The following TTC39A variants were observed in gnomAD, a reference collection of about 807,000 sequenced individuals.
The protein encoded by TTC39A is tetratricopeptide repeat protein 39A.
TTC39A carries 46 observed loss-of-function variants against 82.3 expected under a neutral mutation model. The ratio of observed to expected loss-of-function variants is 0.56; its 90% CI spans 0.44 to 0.71. The LOEUF (loss-of-function observed/expected upper bound fraction) is 0.71, where lower values mean the gene tolerates loss of function less well. Among genes scored for constraint, TTC39A ranks in the 30% least tolerant of loss-of-function variants. The probability of loss-of-function intolerance (pLI) is 0.00; values close to 1 mark genes in which losing one functional copy is unlikely to be tolerated. For missense variants in TTC39A, 543 were observed against 712.9 expected, an observed-to-expected ratio of 0.76 and a Z score of 2.71; for synonymous variants, 254 against 275.2, an observed-to-expected ratio of 0.92 and a Z score of 0.76.
intron 1 of TTC39A, chr1:51,343,023 G>A (rs1045638254): frequency 8.8e-6 from 4 of 456,038 alleles, no homozygotes; most frequent in Non-Finnish European, 1.8e-5. Flanking sequence ...GACCCCGAAG[G>A]CTCCCTGGTG....
chr1:51,312,485 G>C (rs981935661), intron 3 of TTC39A, among the ~76,000 whole-genome samples: 2 of 152,152 alleles, frequency 1.3e-5, no homozygotes, highest in African/African-American at 4.8e-5. Context: ...AGGTGATGCT[G>C]CTCCTGGCAG....
intron 14 of TTC39A, among the ~76,000 whole-genome samples, chr1:51,293,431 A>G (rs1455357487): frequency 6.6e-6 from 1 of 152,236 alleles, no homozygotes; most frequent in African/African-American, 2.4e-5. Flanking sequence ...TAAGTGCTAA[A>G]TCAAACTATA....
At chr1:51,336,461 C>T (rs1449563135) in intron 1 of TTC39A, among the ~76,000 whole-genome samples, 1 of 152,134 alleles carries the variant, frequency 6.6e-6, no homozygotes, top group African/African-American at 2.4e-5. Context: ...CTGGGCTCTT[C>T]TACCTAAGTC....
At chr1:51,301,339 G>A in intron 12 of TTC39A, 1 of 502,542 alleles carries the variant, frequency 2.0e-6, no homozygotes. Context: ...CTACTGGACA[G>A]AGGGAGCCAT....
rs1356085040 is a variant in TTC39A, at chr1:51,312,953, A to G, written c.147-10T>C. On this transcript the variant is annotated splice_polypyrimidine_tract_variant and intron_variant, in intron 2 of 17. Transcript: ENST00000680483. ...CATGCTTTCCTTGGTTCTGCCAAAG[A>G]GAAGAGACGTTGAGAGCACCACCTT... is the stretch of plus-strand genomic sequence containing the variant. The G allele has an allele frequency of 6.2e-7, 1 of 1,612,792 alleles. No individual in the cohort carries two copies. The highest frequency in any genetic ancestry group is 8.5e-7 in the Non-Finnish European group (1 of 1,179,086).
At chr1:51,322,193 C>T (rs1645555317) in intron 1 of TTC39A, 1 of 1,533,522 alleles carries the variant, frequency 6.5e-7, no homozygotes, top group Admixed American at 2.1e-5. Context: ...GGGGTGCAGC[C>T]CAGCCACTAA....
intron 1 of TTC39A, among the ~76,000 whole-genome samples, chr1:51,326,708 T>C (rs1207221106): frequency 6.6e-6 from 1 of 152,122 alleles, no homozygotes; most frequent in East Asian, 1.9e-4. Flanking sequence ...AAAAATGCAT[T>C]CTGTGGAAGC....
chr1:51,313,384 C>A (rs55763623), intron 2 of TTC39A, among the ~76,000 whole-genome samples: 7 of 152,102 alleles, frequency 4.6e-5, no homozygotes, highest in African/African-American at 1.7e-4. Flanking sequence ...CCTGGGCCGC[C>A]CTCAACCTCA....
rs1017567044 is a variant in TTC39A at position 51,330,389 on chromosome 1, C to T, written c.41+48G>A. 6.2e-6 allele frequency: 6 copies of T among 970,420 alleles called. No individual in the cohort carries two copies. The highest frequency in any genetic ancestry group is 5.2e-4 in the Middle Eastern group (1 of 1,906). The allele number at this position is 970,420 out of a possible 1,614,324, so 60.1% of individuals were successfully genotyped here. On this transcript the variant is annotated intron_variant, in intron 1 of 17. Transcript: ENST00000680483. This position sits in a 1 kb window ranked among gnomAD's most constrained non-coding sequence, Gnocchi z 4.5. ...CGCGGCGCCCGCCACCTGCCCGGGC[C>T]CCAGCCCGCGCCGCCCGCGCCCCCG... is the stretch of plus-strand genomic sequence containing the variant.
intron 9 of TTC39A, 138 bp downstream of exon 9, chr1:51,302,946 C>A: frequency 1.3e-6 from 1 of 762,984 alleles, no homozygotes; most frequent in Non-Finnish European, 2.2e-6. Context: ...GTCCCCAGGA[C>A]AGTGGATGTG....
chr1:51,311,204 A>T, intron 5 of TTC39A, 50 bp downstream of exon 5: 1 of 1,530,004 alleles, frequency 6.5e-7, no homozygotes. Flanking sequence ...TTGGACGTGG[A>T]AACTGATCTT....
chr1:51,333,499 G>C (rs1462941460), upstream of TTC39A, among the ~76,000 whole-genome samples: 1 of 152,260 alleles, frequency 6.6e-6, no homozygotes. Context: ...AGCTGTATTA[G>C]CTCCAGAGTA....
At chr1:51,304,161 G>A (rs1258362168) in intron 8 of TTC39A, among the ~76,000 whole-genome samples, 1 of 152,244 alleles carries the variant, frequency 6.6e-6, no homozygotes, top group East Asian at 1.9e-4. Flanking sequence ...GGGCTACACA[G>A]TCTAGCTGGG....
chr1:51,303,421 G>C (rs1234917973), intron 8 of TTC39A, among the ~76,000 whole-genome samples: 1 of 152,244 alleles, frequency 6.6e-6, no homozygotes, highest in Admixed American at 6.5e-5. Flanking sequence ...TGGCGGGTCT[G>C]AGGTGTCCCC....
At chr1:51,331,446 G>T (rs375988272), upstream of TTC39A, 7 of 1,410,136 alleles carry the variant, frequency 5.0e-6, no homozygotes, top group East Asian at 1.8e-4. Flanking sequence ...TGCCATTAGA[G>T]CTGTCCCTTC....
intron 12 of TTC39A, 23 bp from the exon 13 acceptor site, chr1:51,296,193 C>A: frequency 6.4e-7 from 1 of 1,566,344 alleles, no homozygotes; most frequent in East Asian, 2.4e-5. Flanking sequence ...GAGCAACAGC[C>A]AGGTGTGAGC....
chr1:51,296,587 G>A (rs1452137681), intron 12 of TTC39A, among the ~76,000 whole-genome samples: 1 of 152,256 alleles, frequency 6.6e-6, no homozygotes, highest in African/African-American at 2.4e-5. Flanking sequence ...GGAGGTGGCA[G>A]GATGTGTGTG....
chr1:51,302,576 G>A lies in TTC39A; in HGVS notation c.764-3C>T. 2 of 1,598,496 alleles carry A rather than the reference G, an allele frequency of 1.3e-6. No individual in the cohort carries two copies. The highest frequency in any genetic ancestry group is 1.7e-6 in the Non-Finnish European group (2 of 1,172,564). ...CTCGATGTTGACGTTCCCAGTACCT[G>A]GAGGAGATGGTGGGGGAGACACAGA... On this transcript the variant is annotated splice_polypyrimidine_tract_variant and splice_region_variant and intron_variant, in intron 9 of 17. Coordinates refer to ENST00000680483, the MANE Select transcript of TTC39A (RefSeq NM_001297663.2).
In TTC39A at chr1:51,344,990, C is replaced by G; in HGVS notation, c.53+1G>C. The G allele has an allele frequency of 6.6e-7, 1 of 1,524,826 alleles. No homozygotes were observed. The highest frequency in any genetic ancestry group is 8.8e-7 in the Non-Finnish European group (1 of 1,135,648). 94.5% of individuals were successfully genotyped at this position (1,524,826 alleles called of 1,614,324 possible). A position where few individuals can be genotyped will look rare whatever the true frequency, so the allele number is the denominator to read the frequency against. Reference sequence around the variant, plus strand: ...GCCGAGTCCCCACCCCTGCCCGGTACCTGCGGTCGCTTTTCCCGGAGGCCG... The same window carrying G: ...GCCGAGTCCCCACCCCTGCCCGGTAGCTGCGGTCGCTTTTCCCGGAGGCCG... On this transcript the variant is annotated splice_donor_variant, in intron 1 of 5. Coordinates refer to the TTC39A transcript ENST00000401051. LOFTEE classifies it high-confidence loss of function.
Sources: gnomAD v4.1 joint callset for allele counts (sites outside exome capture counted in the v4.1 genomes callset) on GRCh38, gnomAD v4.1.1 for gene constraint, Gnocchi (gnomAD v3.1) non-coding constraint, MANE v1.5 for transcripts, NCBI Gene and HGNC (gene_info 2026-07-23, HGNC 2026-07-21) for gene names.